MARCHF4: variants seen among roughly 807,000 people sequenced by gnomAD.
MARCHF4 encodes the protein membrane associated ring-CH-type finger 4.
Under a neutral mutation model 43.9 loss-of-function variants are expected in MARCHF4, and 14 were observed. The ratio of observed to expected loss-of-function variants is 0.32; its 90% confidence interval spans 0.21 to 0.50. The LOEUF is 0.50. MARCHF4 is among the 20% of genes least tolerant of loss of function. MARCHF4 has a pLI of 0.98. For synonymous variants in MARCHF4, 226 were observed against 213.3 expected, an observed-to-expected ratio of 1.06 and a Z score of -0.52; for missense variants, 468 against 536.7, an observed-to-expected ratio of 0.87 and a Z score of 1.27.
chr2:216,369,967 G>A lies in MARCHF4; in HGVS notation c.294C>T (p.Gly98=), dbSNP rs770440439. The A allele has an allele frequency of 3.8e-6, 6 of 1,568,660 alleles. No individual in the cohort carries two copies. Among genetic ancestry groups the A allele is most frequent in the Admixed American group, 1.9e-5 (1 of 54,004 alleles). ...GAGGTGGCACAGGAGGGGGCTCCCT[G>A]CCCACCACTTCTCGGGGGCCCCTCC... ...AGWRGPREVV[G]REPPPVPPPP... Residue 98 remains glycine, a synonymous_variant, in exon 1 of 4, where the codon GGC becomes GGT. Coordinates refer to ENST00000273067, the MANE Select transcript of MARCHF4 (RefSeq NM_020814.3).
At chr2:216,311,918 A>G (rs886450557) in intron 1 of MARCHF4, among the ~76,000 whole-genome samples, 4 of 152,208 alleles carry the variant, frequency 2.6e-5, no homozygotes, top group Non-Finnish European at 4.4e-5. Flanking sequence ...TGCTGTTTTA[A>G]GTTGTATACA....
At chr2:216,346,802 G>C (rs549824276) in intron 1 of MARCHF4, among the ~76,000 whole-genome samples, 2 of 152,234 alleles carry the variant, frequency 1.3e-5, no homozygotes, top group South Asian at 4.1e-4. Flanking sequence ...GTTTAGAGAG[G>C]TAGGCAGAGG....
intron 1 of MARCHF4, among the ~76,000 whole-genome samples, chr2:216,366,193 T>C (rs1177005181): frequency 1.3e-5 from 2 of 152,258 alleles, no homozygotes; most frequent in African/African-American, 4.8e-5. Flanking sequence ...CTATTATTAT[T>C]ATTCCATCTT....
chr2:216,328,639 T>G (rs1692034479), intron 1 of MARCHF4, among the ~76,000 whole-genome samples: 1 of 152,004 alleles, frequency 6.6e-6, no homozygotes, highest in South Asian at 2.1e-4. Flanking sequence ...CAGGAAAAAA[T>G]GAAGGGCAAC....
chr2:216,319,285 G>T (rs896440415), intron 1 of MARCHF4, among the ~76,000 whole-genome samples: 23 of 152,214 alleles, frequency 1.5e-4, no homozygotes, highest in African/African-American at 5.5e-4. Context: ...TCCAGCCTGG[G>T]CAACAGAGTG....
At chr2:216,345,677 C>A (rs759556849) in intron 1 of MARCHF4, among the ~76,000 whole-genome samples, 1 of 152,128 alleles carries the variant, frequency 6.6e-6, no homozygotes, top group Non-Finnish European at 1.5e-5. Context: ...GAATGAGAAC[C>A]ACTGACCCCT....
At chr2:216,320,749 C>A (rs959418509) in intron 1 of MARCHF4, among the ~76,000 whole-genome samples, 3 of 149,604 alleles carry the variant, frequency 2.0e-5, no homozygotes, top group African/African-American at 7.4e-5. Flanking sequence ...CGGCTCACTG[C>A]AACCTCTGCC....
Position 216,370,263 on chromosome 2 carries a change from G to A in MARCHF4, c.-3C>T, listed in dbSNP as rs1276925207. ...AGCCCACACAGGGGCATCAGCATGT[G>A]CCCCGTGGAAGTAGAGAGCCCAAGA... On this transcript the variant is annotated 5_prime_UTR_variant, in exon 1 of 4. Transcript: ENST00000273067. 3.1e-6 allele frequency: 5 copies of A among 1,593,522 alleles called. No homozygotes were observed. The highest frequency in any genetic ancestry group is 2.3e-5 in the East Asian group (1 of 44,442).
Position 216,259,525 on chromosome 2 carries a change from G to A in MARCHF4, c.1020C>T (p.Thr340=), listed in dbSNP as rs1690706935. Reference sequence around the variant, plus strand: ...CTTCCGAGGAGGGGATATTGGCCTGGGTGGATGAGGAGGTCCGGGGGTTGG... The same window carrying A: ...CTTCCGAGGAGGGGATATTGGCCTGAGTGGATGAGGAGGTCCGGGGGTTGG... ...GRTNPRTSSS[T]QANIPSSEEE... The change falls in exon 4 of 4, where the codon ACC becomes ACT. Residue 340 remains threonine (T), a synonymous_variant. Coordinates refer to ENST00000273067, the MANE Select transcript of MARCHF4 (RefSeq NM_020814.3). 2 of 1,614,192 alleles carry A rather than the reference G, an allele frequency of 1.2e-6. No homozygotes were observed. The highest frequency in any genetic ancestry group is 4.5e-5 in the East Asian group (2 of 44,876).
chr2:216,283,748 G>C lies in MARCHF4; in HGVS notation c.517-19C>G, dbSNP rs1691172527. 1 of 1,587,538 alleles carries C rather than the reference G, an allele frequency of 6.3e-7. No homozygotes were observed. The highest frequency in any genetic ancestry group is 8.6e-7 in the Non-Finnish European group (1 of 1,161,382). ...GCTCCCCCTGCAGGGAGAGAGCACA[G>C]GGTGATGAGGCTGAGACCTACAGTG... On this transcript the variant is annotated intron_variant, in intron 1 of 3. Coordinates refer to ENST00000273067, the MANE Select transcript of MARCHF4 (RefSeq NM_020814.3).
intron 1 of MARCHF4, among the ~76,000 whole-genome samples, chr2:216,319,827 A>G (rs1691850607): frequency 1.3e-5 from 2 of 152,114 alleles, no homozygotes; most frequent in African/African-American, 2.4e-5. Context: ...TGAGATGCCA[A>G]ACTTCCCAGG....
At chr2:216,365,194 C>A (rs763960197) in intron 1 of MARCHF4, among the ~76,000 whole-genome samples, 3 of 152,218 alleles carry the variant, frequency 2.0e-5, no homozygotes, top group Non-Finnish European at 2.9e-5. Flanking sequence ...ATTCCCCAAG[C>A]CCTGAAAAGC....
chr2:216,354,894 T>TCTTTCTTTCTTTCTTTCTTCCTTC (rs1559106478), intron 1 of MARCHF4, among the ~76,000 whole-genome samples: 2 of 36,184 alleles, frequency 5.5e-5, no homozygotes, highest in African/African-American at 1.5e-4. Context: ...ATAATTGTTT[T>TCTTTCTTTCTTTCTTTCTTCCTTC]CTTTCTTTCT....
rs973018836 is a variant in MARCHF4, at chr2:216,269,535, C to T, written c.865+8137G>A. 3.6e-4 allele frequency among the ~76,000 whole-genome samples: 55 copies of T among 152,134 alleles called. 1 individual carries two copies. Among genetic ancestry groups the T allele is most frequent in the South Asian group, 2.1e-4 (1 of 4,822 alleles). ...AATGACGTGAGGACACAGGTTCAGG[C>T]GATCTCTATATCTAGGCTGTAGCTG... is the stretch of plus-strand genomic sequence containing the variant. On this transcript the variant is annotated intron_variant, in intron 3 of 3. Coordinates refer to ENST00000273067, the MANE Select transcript of MARCHF4 (RefSeq NM_020814.3).
chr2:216,279,349 G>T (rs1574462006), intron 2 of MARCHF4, among the ~76,000 whole-genome samples: 1 of 152,328 alleles, frequency 6.6e-6, no homozygotes, highest in Middle Eastern at 3.4e-3. Context: ...ACTGGAAAAG[G>T]AAGAATGAGA....
At chr2:216,267,166 C>A (rs574280835) in intron 3 of MARCHF4, among the ~76,000 whole-genome samples, 2 of 152,272 alleles carry the variant, frequency 1.3e-5, no homozygotes, top group East Asian at 3.9e-4. Flanking sequence ...CACTCCCTTT[C>A]CTTGGTATAA....
At chr2:216,358,244 A>G (rs144392932) in intron 1 of MARCHF4, among the ~76,000 whole-genome samples, 1 of 152,310 alleles carries the variant, frequency 6.6e-6, no homozygotes, top group East Asian at 1.9e-4. Flanking sequence ...GCACAGTAAC[A>G]ATGGGATCTG....
At chr2:216,297,071 T>G (rs979973265) in intron 1 of MARCHF4, among the ~76,000 whole-genome samples, 1 of 152,222 alleles carries the variant, frequency 6.6e-6, no homozygotes. Context: ...CTGTCAGGAA[T>G]AAGCATGCTA....
At chr2:216,287,089 G>A (rs565904430) in intron 1 of MARCHF4, among the ~76,000 whole-genome samples, 89 of 152,270 alleles carry the variant, frequency 5.8e-4, no homozygotes, top group Non-Finnish European at 1.1e-3. Flanking sequence ...ACCTGCACCT[G>A]TGCCTGTAAG....
Sources: gnomAD v4.1 joint callset for allele counts (sites outside exome capture counted in the v4.1 genomes callset) on GRCh38, gnomAD v4.1.1 for gene constraint, MANE v1.5 for transcripts, NCBI Gene and HGNC (gene_info 2026-07-23, HGNC 2026-07-21) for gene names.